The following MLKL variants were observed in gnomAD, a reference collection of about 807,000 sequenced individuals.
The protein encoded by MLKL is mixed lineage kinase domain like pseudokinase.
MLKL carries 55 observed loss-of-function variants against 56.5 expected under a neutral mutation model. That is an observed-to-expected ratio of 0.97 (90% CI 0.78 to 1.22). The LOEUF is 1.22. Among genes scored for constraint, MLKL ranks in the 50% most tolerant of loss-of-function variants. The pLI is 0.00. For missense variants in MLKL, 694 were observed against 573.9 expected (o/e 1.21, Z -2.14); for synonymous variants, 251 against 208.3 (o/e 1.20, Z -1.76).
intron 1 of MLKL, among the ~76,000 whole-genome samples, chr16:74,697,429 G>A (rs561871024): frequency 1.3e-5 from 2 of 152,216 alleles, no homozygotes; most frequent in East Asian, 1.9e-4. Flanking sequence ...AACTGAAGCC[G>A]ACTGCGTTCA....
intron 4 of MLKL, among the ~76,000 whole-genome samples, chr16:74,687,433 A>T (rs983396854): frequency 6.6e-6 from 1 of 152,210 alleles, no homozygotes; most frequent in African/African-American, 2.4e-5. Flanking sequence ...AAGCAAAAAC[A>T]AAAACTGAAA....
At chr16:74,700,287 C>T (rs571476360) in intron 1 of MLKL, among the ~76,000 whole-genome samples, 166 bp downstream of exon 1, 1 of 151,946 alleles carries the variant, frequency 6.6e-6, no homozygotes, top group Non-Finnish European at 1.5e-5. Flanking sequence ...GTGCGAGATC[C>T]GAGCAGGCAG....
chr16:74,696,194 G>A (rs993777474), intron 1 of MLKL, among the ~76,000 whole-genome samples: 1 of 152,164 alleles, frequency 6.6e-6, no homozygotes, highest in Non-Finnish European at 1.5e-5. Flanking sequence ...GAGGAGAGCT[G>A]CCCACAGACC....
intron 4 of MLKL, among the ~76,000 whole-genome samples, chr16:74,687,863 T>TTGC (rs1567611812): frequency 6.6e-6 from 1 of 151,878 alleles, no homozygotes; most frequent in Non-Finnish European, 1.5e-5. Context: ...TCTTGCTCTG[T>TTGC]CAAGCAGGCT....
At chr16:74,693,289 G>A (rs1304149959) in intron 2 of MLKL, among the ~76,000 whole-genome samples, 1 of 151,774 alleles carries the variant, frequency 6.6e-6, no homozygotes, top group Non-Finnish European at 1.5e-5. Flanking sequence ...TAGAGATAGT[G>A]AAACCCCGTC....
intron 3 of MLKL, among the ~76,000 whole-genome samples, chr16:74,692,015 T>A (rs1388560941): frequency 6.6e-6 from 1 of 152,250 alleles, no homozygotes; most frequent in Non-Finnish European, 1.5e-5. Context: ...GTTGAATGAA[T>A]GAATGAGTGG....
intron 4 of MLKL, among the ~76,000 whole-genome samples, chr16:74,688,221 C>T (rs200558400): frequency 2.0e-5 from 3 of 151,732 alleles, no homozygotes; most frequent in African/African-American, 4.8e-5. Flanking sequence ...CCACCTGCCT[C>T]GGCCTCCCAA....
chr16:74,676,244 G>C (rs1200507772), intron 7 of MLKL: 3 of 991,500 alleles, frequency 3.0e-6, no homozygotes, highest in Admixed American at 5.8e-5. Flanking sequence ...GGGTCAGCCT[G>C]ATCCTTTGGC....
chr16:74,693,272 T>C (rs535284104), intron 2 of MLKL, among the ~76,000 whole-genome samples: 1 of 151,726 alleles, frequency 6.6e-6, no homozygotes, highest in East Asian at 2.0e-4. Flanking sequence ...CTGGCCAAAC[T>C]GGTCAGTAGA....
intron 1 of MLKL, among the ~76,000 whole-genome samples, chr16:74,696,128 C>A (rs1056750516): frequency 2.6e-5 from 4 of 152,140 alleles, no homozygotes; most frequent in African/African-American, 4.8e-5. Flanking sequence ...TGGGGTGAAG[C>A]GGCCCTGGGG....
intron 6 of MLKL, among the ~76,000 whole-genome samples, chr16:74,680,006 C>A (rs542104357): frequency 4.9e-4 from 74 of 152,232 alleles, no homozygotes; most frequent in African/African-American, 1.7e-3. Flanking sequence ...AGAGTGTGTC[C>A]CACAGGAAGC....
rs754740254 is a variant in MLKL at position 74,691,475 on chromosome 16, C to A, written c.536-12G>T. Reference sequence around the variant, plus strand: ...TTTTGGTGGTAAATCTGACCTCACCCCCGAGAGGAAAGAAGACAAAAGAGT... The same window carrying A: ...TTTTGGTGGTAAATCTGACCTCACCACCGAGAGGAAAGAAGACAAAAGAGT... On this transcript the variant is annotated splice_polypyrimidine_tract_variant and intron_variant, in intron 3 of 10. Transcript: ENST00000308807. 28 of 1,603,330 alleles carry A rather than the reference C, an allele frequency of 1.7e-5. No homozygotes were observed. Among genetic ancestry groups the A allele is most frequent in the Non-Finnish European group, 2.4e-5 (28 of 1,177,178 alleles).
intron 4 of MLKL, among the ~76,000 whole-genome samples, chr16:74,687,177 T>C (rs1056933040): frequency 9.9e-5 from 15 of 152,024 alleles, no homozygotes; most frequent in Admixed American, 3.9e-4. Context: ...GGTTTCACCA[T>C]GTTGGCCAGA....
At chr16:74,680,128 G>T (rs1340293846) in intron 6 of MLKL, among the ~76,000 whole-genome samples, 2 of 152,172 alleles carry the variant, frequency 1.3e-5, no homozygotes, top group Non-Finnish European at 2.9e-5. Flanking sequence ...CTATAAGGGT[G>T]AAAGGGCTCC....
chr16:74,673,728 AAGAT>A (rs533842925), intron 10 of MLKL, among the ~76,000 whole-genome samples: 73 of 152,192 alleles, frequency 4.8e-4, no homozygotes, highest in African/African-American at 1.6e-3. Context: ...AAAAAGGAGA[AAGAT>A]AGTCAAAAAT....
chr16:74,690,828 C>T (rs1176180932), intron 4 of MLKL, among the ~76,000 whole-genome samples: 1 of 145,602 alleles, frequency 6.9e-6, no homozygotes, highest in African/African-American at 2.5e-5. Context: ...TGTGGATCTT[C>T]ACCATGGATG....
chr16:74,674,975 G>A lies in MLKL; in HGVS notation c.1366C>T (p.Arg456Trp), dbSNP rs1486995519. The change falls in exon 10 of 11, where the codon CGG becomes TGG. Residue 456 changes from arginine to tryptophan, a missense_variant. Physicochemically the swap from Arg to Trp is moderately radical, Grantham distance 101. Coordinates refer to ENST00000308807, the MANE Select transcript of MLKL (RefSeq NM_152649.4). ...AGAACCCTACCATCCACAGAGGGCC[G>A]CACAGAGGGATCATGGGCCCGGCAC... ...DECRAHDPSVRPSVDEILKKL... is the reference protein window; with the variant it reads ...DECRAHDPSVWPSVDEILKKL... The A allele has an allele frequency of 1.2e-5, 19 of 1,613,996 alleles. No homozygotes were observed. Among genetic ancestry groups the A allele is most frequent in the East Asian group, 4.5e-5 (2 of 44,898 alleles).
At chr16:74,684,474 G>A (rs1447567419) in intron 5 of MLKL, among the ~76,000 whole-genome samples, 1 of 149,106 alleles carries the variant, frequency 6.7e-6, no homozygotes, top group Non-Finnish European at 1.5e-5. Context: ...AAGGCTCTTG[G>A]TAGAGGGGTA....
In MLKL at chr16:74,672,166, G is replaced by A; in HGVS notation, c.*338C>T. 1.3e-5 allele frequency: 3 copies of A among 229,142 alleles called. No individual in the cohort carries two copies. In the South Asian group the frequency reaches 2.7e-4, roughly 20 times the overall value. 14.2% of individuals were successfully genotyped at this position (229,142 alleles called of 1,614,324 possible). On this transcript the variant is annotated 3_prime_UTR_variant, in exon 11 of 11. Transcript: ENST00000308807. ...TTCCACATTCTATTGATCAAATCAA[G>A]TCACAGTGCCAGCCCAGATTCAAAT...
Sources: allele counts gnomAD v4.1 joint callset (sites outside exome capture counted in the v4.1 genomes callset), GRCh38; gene constraint gnomAD v4.1.1; transcripts MANE v1.5; gene names NCBI Gene and HGNC (gene_info 2026-07-23, HGNC 2026-07-21).